The following ZNF653 variants were observed in gnomAD, a reference collection of about 807,000 sequenced individuals.
ZNF653 encodes 67 kDa zinc finger protein.
ZNF653 carries 37 observed loss-of-function variants against 59.9 expected under a neutral mutation model. The observed-to-expected ratio is 0.62, with a 90% CI of 0.48 to 0.81. The LOEUF (loss-of-function observed/expected upper bound fraction) is 0.81. ZNF653 is among the 40% of genes least tolerant of loss of function. The pLI is 0.00. For missense variants in ZNF653, 808 were observed against 881.1 expected, an observed-to-expected ratio of 0.92 and a Z score of 1.05; for synonymous variants, 435 against 371.8, an observed-to-expected ratio of 1.17 and a Z score of -1.96.
chr19:11,496,407 G>A (rs1971589047), intron 2 of ZNF653, among the ~76,000 whole-genome samples: 1 of 152,172 alleles, frequency 6.6e-6, no homozygotes, highest in Admixed American at 6.5e-5. Flanking sequence ...GTGCACAGTA[G>A]GTGCATAATA....
At chr19:11,501,267 C>A (rs544499420) in intron 1 of ZNF653, among the ~76,000 whole-genome samples, 1 of 151,862 alleles carries the variant, frequency 6.6e-6, no homozygotes, top group African/African-American at 2.4e-5. Flanking sequence ...AAGCTTCGAC[C>A]TCCAGGGCTC....
intron 1 of ZNF653, 141 bp downstream of exon 1, chr19:11,505,347 G>A: frequency 1.0e-5 from 9 of 870,428 alleles, no homozygotes; most frequent in South Asian, 2.3e-5. Flanking sequence ...CAGGCAGTAC[G>A]AGACCCAGGC....
At position 11,483,658 on chromosome 19, in the gene ZNF653, AG is replaced by A. The variant is rs1366711920; in HGVS notation, c.*23del. 6.2e-7 allele frequency: 1 copy of A among 1,601,486 alleles called. No individual in the cohort carries two copies. Among genetic ancestry groups the A allele is most frequent in the Non-Finnish European group, 8.5e-7 (1 of 1,169,918 alleles). The stretch of plus-strand genomic sequence containing the variant: ...GTGGTGTCCGAGCGGACGAATAAAT[AG>A]GGGCGGTCAGTGGTCAGGTGGGTCA... On this transcript the variant is annotated 3_prime_UTR_variant, in exon 9 of 9. Transcript: ENST00000293771.
Position 11,485,644 on chromosome 19 carries a change from C to T in ZNF653, c.1570+12G>A, listed in dbSNP as rs770345553. On this transcript the variant is annotated intron_variant, in intron 7 of 8. Transcript: ENST00000293771. ...TCCCCCGCTCATGCTGCCAGCTGGC[C>T]CAGGGCCTGACCTGAATGGATGATC... The T allele has an allele frequency of 2.5e-6, 4 of 1,609,900 alleles. No homozygotes were observed. Among genetic ancestry groups the T allele is most frequent in the Non-Finnish European group, 3.4e-6 (4 of 1,176,452 alleles).
At position 11,503,679 on chromosome 19, in the gene ZNF653, C is replaced by T. The variant is rs371337517; in HGVS notation, c.299+1809G>A. On this transcript the variant is annotated intron_variant, in intron 1 of 8. Transcript: ENST00000293771. ...AAAAATTAGCCAGGTGAGGTGGCTC[C>T]TCTGTAGTCCCAGCTACTTGGGAGA... Among the ~76,000 whole-genome samples the T allele has an allele frequency of 3.7e-4, 56 of 151,714 alleles. 1 individual carries two copies. The South Asian group carries it at 9.8e-3, about 26-fold the overall frequency.
rs1032750147 is a variant in ZNF653, at chr19:11,505,630, T to G, written c.157A>C (p.Lys53Gln). 4.7e-6 allele frequency: 7 copies of G among 1,500,990 alleles called. No individual in the cohort carries two copies. The highest frequency in any genetic ancestry group is 6.2e-6 in the Non-Finnish European group (7 of 1,132,178). The allele number at this position is 1,500,990 out of a possible 1,614,324, so 93.0% of individuals were successfully genotyped here. The change falls in exon 1 of 9, where the codon AAG becomes CAG. Residue 53 changes from lysine (K) to glutamine (Q), a missense_variant. Transcript: ENST00000293771. The stretch of plus-strand genomic sequence containing the variant: ...TACACGCGCCGCACGTCGTACTTCT[T>G]CCGGGACTCGAGCCGTCGCCGGGCC... ...DRARRRLESR[K>Q]KYDVRRVYLG...
intron 6 of ZNF653, among the ~76,000 whole-genome samples, chr19:11,486,306 G>A (rs1024447691): frequency 6.6e-6 from 1 of 152,138 alleles, no homozygotes; most frequent in African/African-American, 2.4e-5. Context: ...TCTGGACTGG[G>A]GTATCTGTCA....
intron 3 of ZNF653, among the ~76,000 whole-genome samples, chr19:11,494,358 A>ATAACT (rs1971560685): frequency 6.7e-6 from 1 of 148,164 alleles, no homozygotes; most frequent in Non-Finnish European, 1.5e-5. Flanking sequence ...ATAACATAAC[A>ATAACT]TAACATAACA....
At chr19:11,488,595 TTTTC>T (rs1166278364) in intron 3 of ZNF653, among the ~76,000 whole-genome samples, 1 of 130,860 alleles carries the variant, frequency 7.6e-6, no homozygotes, top group African/African-American at 4.2e-5. Flanking sequence ...TGAATTTTTC[TTTTC>T]TTTTCTTTTT....
intron 6 of ZNF653, among the ~76,000 whole-genome samples, chr19:11,486,038 C>A (rs1025748718): frequency 6.6e-6 from 1 of 151,982 alleles, no homozygotes; most frequent in Non-Finnish European, 1.5e-5. Context: ...CAAGCTCCAC[C>A]CCCCCGGGTT....
At chr19:11,504,646 G>A in intron 1 of ZNF653, 1 of 846,524 alleles carries the variant, frequency 1.2e-6, no homozygotes, top group Non-Finnish European at 1.4e-6. Flanking sequence ...GAGAACATGT[G>A]TACCTGAAAA....
intron 3 of ZNF653, among the ~76,000 whole-genome samples, chr19:11,492,988 C>A (rs776001925): frequency 2.0e-5 from 3 of 152,098 alleles, no homozygotes; most frequent in Non-Finnish European, 4.4e-5. Flanking sequence ...CTCAAGTGAT[C>A]CACCTGCCTT....
chr19:11,495,780 C>T lies in ZNF653; in HGVS notation c.559+170G>A. Reference sequence around the variant, plus strand: ...AAGCTCTGTAAGGACGCAAAGAGGGCAAGGCCACGAAGGACTCAGCCTGGC... The same window carrying T: ...AAGCTCTGTAAGGACGCAAAGAGGGTAAGGCCACGAAGGACTCAGCCTGGC... On this transcript the variant is annotated intron_variant, in intron 3 of 8. Transcript: ENST00000293771. The surrounding 1 kb of genome is among the most constrained non-coding windows in gnomAD (Gnocchi z 4.9). 1 of 674,018 alleles carries T rather than the reference C, an allele frequency of 1.5e-6. No homozygotes were observed. The highest frequency in any genetic ancestry group is 2.5e-6 in the Non-Finnish European group (1 of 400,784). 41.8% of individuals were successfully genotyped at this position (674,018 alleles called of 1,614,324 possible).
chr19:11,505,824 G>C lies in ZNF653; in HGVS notation c.-38C>G. 7.5e-7 allele frequency: 1 copy of C among 1,325,022 alleles called. No homozygotes were observed. The highest frequency in any genetic ancestry group is 9.7e-7 in the Non-Finnish European group (1 of 1,027,948). The allele number at this position is 1,325,022 out of a possible 1,614,324, so 82.1% of individuals were successfully genotyped here. On this transcript the variant is annotated 5_prime_UTR_variant, in exon 1 of 9. Transcript: ENST00000293771. Reference sequence around the variant, plus strand: ...GGTTACCAGCCTCCCCCGTTGTTAGGAGCCAGACCGGAAGTGGCGCGCATC... The same window carrying C: ...GGTTACCAGCCTCCCCCGTTGTTAGCAGCCAGACCGGAAGTGGCGCGCATC...
In ZNF653 at chr19:11,487,239, C is replaced by T. The variant is rs893284453; in HGVS notation, c.1171+53G>A. On this transcript the variant is annotated intron_variant, in intron 4 of 8. Transcript: ENST00000293771. The surrounding 1 kb of genome is among the most constrained non-coding windows in gnomAD (Gnocchi z 5.1). ...ACTTCGAGGGCCATTCCTCGCCCGG[C>T]CCCTCCCAGGCCCAACCACCCCTGG... 2 of 1,598,496 alleles carry T rather than the reference C, an allele frequency of 1.3e-6. No homozygotes were observed. Among genetic ancestry groups the T allele is most frequent in the African/African-American group, 2.7e-5 (2 of 74,662 alleles).
rs1482398821 is a variant in ZNF653 at position 11,505,535 on chromosome 19, G to C, written c.252C>G (p.Ala84=). Residue 84 remains alanine (A), a synonymous_variant, in exon 1 of 9, where the codon GCC becomes GCG. Coordinates refer to ENST00000293771, the MANE Select transcript of ZNF653 (RefSeq NM_138783.4). ...CGCGCTCCAGAGAGATGAGGTAGGC[G>C]GCGAGCTTGGCGTCGCTCCAGCCGC... ...RRSGWSDAKL[A]AYLISLERGQ... 1.3e-6 allele frequency: 2 copies of C among 1,514,224 alleles called. No homozygotes were observed. The highest frequency in any genetic ancestry group is 1.4e-5 in the African/African-American group (1 of 69,086). 93.8% of individuals were successfully genotyped at this position (1,514,224 alleles called of 1,614,324 possible). A position where few individuals can be genotyped will look rare whatever the true frequency, so the allele number is the denominator to read the frequency against.
intron 3 of ZNF653, among the ~76,000 whole-genome samples, chr19:11,488,199 G>A (rs1336548115): frequency 1.3e-5 from 2 of 151,420 alleles, no homozygotes; most frequent in Non-Finnish European, 2.9e-5. Flanking sequence ...ACCCAGGCTG[G>A]AGTGCAGTGG....
chr19:11,504,201 G>T (rs906013949), intron 1 of ZNF653, among the ~76,000 whole-genome samples: 1 of 152,016 alleles, frequency 6.6e-6, no homozygotes, highest in Non-Finnish European at 1.5e-5. Context: ...GGAGATCGAG[G>T]CCATCCTGGC....
chr19:11,493,118 T>TCA (rs1302970307), intron 3 of ZNF653, among the ~76,000 whole-genome samples: 1 of 150,288 alleles, frequency 6.7e-6, no homozygotes, highest in African/African-American at 2.5e-5. Context: ...AATGCAGTGG[T>TCA]GCGATCTTGG....
Sources: gnomAD v4.1 joint callset for allele counts (sites outside exome capture counted in the v4.1 genomes callset) on GRCh38, gnomAD v4.1.1 for gene constraint, Gnocchi (gnomAD v3.1) non-coding constraint, MANE v1.5 for transcripts, NCBI Gene and HGNC (gene_info 2026-07-23, HGNC 2026-07-21) for gene names.